The following PRDM5 variants were observed in gnomAD, a reference collection of about 807,000 sequenced individuals.
The protein encoded by PRDM5 is PR domain zinc finger protein 5.
Under a neutral mutation model 81.2 loss-of-function variants are expected in PRDM5, and 56 were observed. The observed-to-expected ratio is 0.69, with a 90% CI of 0.56 to 0.86. The LOEUF (loss-of-function observed/expected upper bound fraction) is 0.86, where lower values mean the gene tolerates loss of function less well. Ranked by LOEUF, PRDM5 falls within the 40% of genes least tolerant of loss-of-function variation. PRDM5 has a pLI of 0.00. For synonymous variants in PRDM5, 267 were observed against 256.4 expected, an observed-to-expected ratio of 1.04 and a Z score of -0.39; for missense variants, 697 against 770.1, an observed-to-expected ratio of 0.91 and a Z score of 1.12.
Position 120,754,603 on chromosome 4 carries a change from CT to C in PRDM5, c.1572del (p.Gly525AspfsTer8). On this transcript the variant is annotated frameshift_variant, in exon 14 of 16. Coordinates refer to ENST00000264808, the MANE Select transcript of PRDM5 (RefSeq NM_018699.4). LOFTEE classifies it high-confidence loss of function. ...TTCAGTCCATCATTTTTACTGAATC[CT>C]TTTTCACAGTAAGGACATTGATAGG... is the stretch of plus-strand genomic sequence containing the variant. ...ERPYQCPYCE[K>X]GFSKNDGLKM... is the part of the protein sequence containing the mutation. 3.7e-6 allele frequency: 6 copies of C among 1,602,426 alleles called. No homozygotes were observed. Among genetic ancestry groups the C allele is most frequent in the African/African-American group, 1.3e-5 (1 of 74,710 alleles).
intron 8 of PRDM5, among the ~76,000 whole-genome samples, chr4:120,803,877 C>G (rs947763360): frequency 2.0e-5 from 3 of 152,154 alleles, no homozygotes; most frequent in Non-Finnish European, 4.4e-5. Flanking sequence ...TGTAAATGGG[C>G]TAAATGCTCC....
Position 120,699,173 on chromosome 4 carries a change from T to A in PRDM5, c.1729-3898A>T, listed in dbSNP as rs981072189. On this transcript the variant is annotated intron_variant, in intron 15 of 15. Coordinates refer to ENST00000264808, the MANE Select transcript of PRDM5 (RefSeq NM_018699.4). ...TATAGGAAATATAAATATATATATA[T>A]ATATATATATATATATATATATATA... Among the ~76,000 whole-genome samples the A allele has an allele frequency of 2.9e-4, 11 of 37,302 alleles. No homozygotes were observed. The East Asian group carries it at 9.9e-3, about 34-fold the overall frequency. The allele number at this position is 37,302 out of a possible 152,430, so 24.5% of individuals were successfully genotyped here.
At chr4:120,875,167 T>C (rs557082551) in intron 2 of PRDM5, among the ~76,000 whole-genome samples, 1 of 152,214 alleles carries the variant, frequency 6.6e-6, no homozygotes, top group African/African-American at 2.4e-5. Flanking sequence ...ACCTAAAGCA[T>C]GCGGCCAATC....
intron 14 of PRDM5, among the ~76,000 whole-genome samples, chr4:120,737,328 G>T (rs767178883): frequency 1.3e-5 from 2 of 152,132 alleles, no homozygotes; most frequent in Non-Finnish European, 2.9e-5. Context: ...AGATAGAACT[G>T]CCTCCCATAT....
intron 3 of PRDM5, among the ~76,000 whole-genome samples, chr4:120,850,730 T>G (rs957033193): frequency 2.0e-5 from 3 of 152,122 alleles, no homozygotes; most frequent in Non-Finnish European, 4.4e-5. Flanking sequence ...CCCCCCTCAC[T>G]CCTCTTGTTA....
intron 10 of PRDM5, among the ~76,000 whole-genome samples, chr4:120,788,448 T>C (rs970422178): frequency 6.6e-6 from 1 of 152,202 alleles, no homozygotes; most frequent in Non-Finnish European, 1.5e-5. Flanking sequence ...GAATGTTTGC[T>C]TTCTTCTTTA....
rs1442864903 is a variant in PRDM5 at position 120,799,658 on chromosome 4, T to C, written c.1030+3A>G. 6.2e-7 allele frequency: 1 copy of C among 1,611,994 alleles called. No individual in the cohort carries two copies. Among genetic ancestry groups the C allele is most frequent in the Non-Finnish European group, 8.5e-7 (1 of 1,179,604 alleles). ...CTATAAACAAAAAAAGTATATAGTT[T>C]ACCTGAGTGGGTGATCATATGACGT... is the stretch of plus-strand genomic sequence containing the variant. On this transcript the variant is annotated splice_donor_region_variant and intron_variant, in intron 9 of 15. Coordinates refer to ENST00000264808, the MANE Select transcript of PRDM5 (RefSeq NM_018699.4).
intron 2 of PRDM5, among the ~76,000 whole-genome samples, chr4:120,854,359 T>C (rs1759629575): frequency 2.0e-5 from 3 of 152,282 alleles, no homozygotes; most frequent in South Asian, 4.2e-4. Context: ...TGATTTCATG[T>C]TTCTATTCCA....
At chr4:120,781,701 C>T (rs4833675) in intron 11 of PRDM5, among the ~76,000 whole-genome samples, 39,794 of 152,004 alleles carry the variant, frequency 0.26, 5,793 homozygotes, top group Admixed American at 0.35. Context: ...AATCCCACCA[C>T]GGTCCCTATA....
intron 14 of PRDM5, among the ~76,000 whole-genome samples, chr4:120,743,025 G>A (rs1444670746): frequency 2.6e-5 from 4 of 151,598 alleles, no homozygotes; most frequent in African/African-American, 4.9e-5. Flanking sequence ...AGGGCAGCCA[G>A]AGAGAAAGGT....
At chr4:120,841,529 C>A (rs1758033611) in intron 3 of PRDM5, among the ~76,000 whole-genome samples, 7 of 152,182 alleles carry the variant, frequency 4.6e-5, no homozygotes, top group Admixed American at 4.6e-4. Flanking sequence ...TTATTGACTT[C>A]TTTAATGCCA....
At chr4:120,769,803 T>C (rs1746971455) in intron 13 of PRDM5, among the ~76,000 whole-genome samples, 1 of 152,126 alleles carries the variant, frequency 6.6e-6, no homozygotes, top group Non-Finnish European at 1.5e-5. Flanking sequence ...CTCTAAGCAG[T>C]ATAACTGAAA....
At chr4:120,847,920 C>T (rs1241431799) in intron 3 of PRDM5, among the ~76,000 whole-genome samples, 3 of 152,224 alleles carry the variant, frequency 2.0e-5, no homozygotes, top group East Asian at 1.9e-4. Flanking sequence ...GTTCCTAGGA[C>T]GAGAGGCACA....
chr4:120,734,837 T>A (rs745939530), intron 14 of PRDM5, among the ~76,000 whole-genome samples: 18 of 152,196 alleles, frequency 1.2e-4, no homozygotes, highest in Non-Finnish European at 2.4e-4. Flanking sequence ...TATGCTGAGG[T>A]AAGTGATCTT....
chr4:120,849,624 T>A (rs1201941877), intron 3 of PRDM5, among the ~76,000 whole-genome samples: 1 of 152,146 alleles, frequency 6.6e-6, no homozygotes, highest in East Asian at 1.9e-4. Context: ...CTTAAGAATA[T>A]GAGATGTAGC....
intron 2 of PRDM5, among the ~76,000 whole-genome samples, chr4:120,854,062 A>T (rs1338615183): frequency 1.3e-5 from 2 of 152,166 alleles, no homozygotes; most frequent in Admixed American, 6.5e-5. Context: ...TATGCTCTTT[A>T]CTTGTGAATG....
intron 3 of PRDM5, among the ~76,000 whole-genome samples, chr4:120,832,045 G>T (rs534492151): frequency 6.6e-6 from 1 of 152,176 alleles, no homozygotes; most frequent in African/African-American, 2.4e-5. Context: ...TATTTATTTA[G>T]CTGAATCCCC....
At chr4:120,759,327 T>C (rs1487751504) in intron 13 of PRDM5, among the ~76,000 whole-genome samples, 1 of 152,198 alleles carries the variant, frequency 6.6e-6, no homozygotes, top group African/African-American at 2.4e-5. Flanking sequence ...CTATAATGTG[T>C]AGTTTGCAAA....
chr4:120,747,540 C>T lies in PRDM5; in HGVS notation c.1623+7013G>A, dbSNP rs144590610. Among the ~76,000 whole-genome samples, 21 of 152,086 alleles carry T rather than the reference C, an allele frequency of 1.4e-4. No individual in the cohort carries two copies. The East Asian group carries it at 3.9e-3, about 28-fold the overall frequency. On this transcript the variant is annotated intron_variant, in intron 14 of 15. Coordinates refer to ENST00000264808, the MANE Select transcript of PRDM5 (RefSeq NM_018699.4). ...CAAACCCTCTAGATAAATTCAAAAG[C>T]GTCTGATACCTAGGAACTCTGAGAT... is the stretch of plus-strand genomic sequence containing the variant.
Sources: gnomAD v4.1 joint callset for allele counts (sites outside exome capture counted in the v4.1 genomes callset) on GRCh38, gnomAD v4.1.1 for gene constraint, MANE v1.5 for transcripts, NCBI Gene and HGNC (gene_info 2026-07-23, HGNC 2026-07-21) for gene names.